TRPM2: variants seen among roughly 807,000 people sequenced by gnomAD.
TRPM2 encodes transient receptor potential cation channel subfamily M member 2.
A neutral mutation model predicts 174.0 loss-of-function variants in TRPM2; 161 were observed. That is an observed-to-expected ratio of 0.93 (90% CI 0.81 to 1.05). The LOEUF (loss-of-function observed/expected upper bound fraction) is 1.05. Among genes scored for constraint, TRPM2 ranks in the 50% least tolerant of loss-of-function variants. The pLI, the probability that TRPM2 is intolerant of heterozygous loss-of-function variation, is 0.00. For missense variants in TRPM2, 2,057 were observed against 2,038.0 expected (o/e 1.01, Z -0.18); for synonymous variants, 954 against 861.3 (o/e 1.11, Z -1.88).
chr21:44,373,586 AC>A (rs2048606063), intron 5 of TRPM2, among the ~76,000 whole-genome samples: 1 of 106,270 alleles, frequency 9.4e-6, no homozygotes, highest in Non-Finnish European at 2.3e-5. Context: ...ATTATATGCG[AC>A]CTGCATTATA....
chr21:44,386,212 C>T (rs537762600), intron 9 of TRPM2, among the ~76,000 whole-genome samples: 21 of 152,134 alleles, frequency 1.4e-4, no homozygotes, highest in African/African-American at 4.1e-4. Context: ...GGTGAAACCC[C>T]GTCTCTACTA....
chr21:44,353,631 T>C lies in TRPM2; in HGVS notation c.-70T>C, dbSNP rs1434757634. On this transcript the variant is annotated 5_prime_UTR_variant, in exon 1 of 32. Transcript: ENST00000397928. Reference sequence around the variant, plus strand: ...ACCCCATGTGTCTCTAGAACCCCAGTGTAGCGAGCTGGAGAGAGGACTGTC... The same window carrying C: ...ACCCCATGTGTCTCTAGAACCCCAGCGTAGCGAGCTGGAGAGAGGACTGTC... 4.0e-5 allele frequency: 55 copies of C among 1,389,522 alleles called. No individual in the cohort carries two copies. The highest frequency in any genetic ancestry group is 4.7e-5 in the Non-Finnish European group (50 of 1,071,838). The allele number at this position is 1,389,522 out of a possible 1,614,324, so 86.1% of individuals were successfully genotyped here. A position where few individuals can be genotyped will look rare whatever the true frequency, so the allele number is the denominator to read the frequency against.
chr21:44,393,456 G>C (rs2049244148), intron 11 of TRPM2, among the ~76,000 whole-genome samples: 1 of 152,164 alleles, frequency 6.6e-6, no homozygotes, highest in Non-Finnish European at 1.5e-5. Context: ...TTTTCAGGAT[G>C]TTTGCATCAG....
At chr21:44,424,822 G>A (rs372531907) in intron 23 of TRPM2, 30 bp from the exon 24 acceptor site, 2 of 1,509,824 alleles carry the variant, frequency 1.3e-6, no homozygotes, top group South Asian at 1.2e-5. Flanking sequence ...GGTGGCAGGT[G>A]CTCACTGTGT....
In TRPM2 at chr21:44,373,552, C is replaced by T. The variant is rs184134478; in HGVS notation, c.772-2281C>T. 1.4e-3 allele frequency among the ~76,000 whole-genome samples: 140 copies of T among 100,560 alleles called. 1 individual carries two copies. The highest frequency in any genetic ancestry group is 4.4e-3 in the African/African-American group (134 of 30,218). The allele number at this position is 100,560 out of a possible 152,430, so 66.0% of individuals were successfully genotyped here. A position where few individuals can be genotyped will look rare whatever the true frequency, so the allele number is the denominator to read the frequency against. On this transcript the variant is annotated intron_variant, in intron 5 of 31. Transcript: ENST00000397928. ...CTCTTTTCATTTTCTGCATTATATG[C>T]GACCTGCATTATATGCGACCTGCAT... is the stretch of plus-strand genomic sequence containing the variant.
intron 27 of TRPM2, among the ~76,000 whole-genome samples, chr21:44,427,655 G>A (rs2050855017): frequency 6.6e-6 from 1 of 152,182 alleles, no homozygotes. Context: ...GTGGAGGAGG[G>A]GCCACCAGAA....
At chr21:44,355,711 A>G (rs565268478) in intron 2 of TRPM2, among the ~76,000 whole-genome samples, 178 of 152,192 alleles carry the variant, frequency 1.2e-3, no homozygotes, top group Non-Finnish European at 1.7e-3. Context: ...TTTACTGAAT[A>G]TGGGGAGGGA....
chr21:44,409,858 A>T (rs59394196), intron 19 of TRPM2, among the ~76,000 whole-genome samples: 2 of 122,792 alleles, frequency 1.6e-5, no homozygotes, highest in South Asian at 2.7e-4. Context: ...AGTTTTGACC[A>T]CACTGTCTTG....
At chr21:44,425,468 G>T in intron 24 of TRPM2, 1 of 516,392 alleles carries the variant, frequency 1.9e-6, no homozygotes, top group South Asian at 4.3e-5. Context: ...CGGCGGGGAC[G>T]CTGCCTGAGC....
At chr21:44,363,071 C>T (rs560196500) in intron 2 of TRPM2, among the ~76,000 whole-genome samples, 23 of 151,228 alleles carry the variant, frequency 1.5e-4, no homozygotes, top group African/African-American at 3.6e-4. Flanking sequence ...TGCGCCTCGC[C>T]GCTTTTAAAA....
chr21:44,382,564 AT>A (rs2048913136), intron 8 of TRPM2, among the ~76,000 whole-genome samples, 153 bp from the exon 9 acceptor site: 1 of 152,192 alleles, frequency 6.6e-6, no homozygotes, highest in African/African-American at 2.4e-5. Flanking sequence ...CATCTGCACC[AT>A]CTAGGGCAAG....
In TRPM2 at chr21:44,418,009, C is replaced by A; in HGVS notation, c.3229C>A (p.Arg1077Ser). 6.2e-7 allele frequency: 1 copy of A among 1,612,806 alleles called. No homozygotes were observed. Among genetic ancestry groups the A allele is most frequent in the Non-Finnish European group, 8.5e-7 (1 of 1,179,982 alleles). The change falls in exon 21 of 32, where the codon CGC (arginine) becomes AGC (serine). Residue 1077 changes from arginine to serine, a missense_variant. Coordinates refer to ENST00000397928, the MANE Select transcript of TRPM2 (RefSeq NM_003307.4). The stretch of plus-strand genomic sequence containing the variant: ...TGACCTGATCGAGGAGTACCACGGC[C>A]GCCCCGCCGCGCCGCCCCCCTTCAT... ...RHDLIEEYHG[R>S]PAAPPPFILL...
chr21:44,412,046 C>G (rs563042591), intron 19 of TRPM2, among the ~76,000 whole-genome samples: 30 of 152,216 alleles, frequency 2.0e-4, no homozygotes, highest in African/African-American at 6.7e-4. Context: ...GGTTATTGGT[C>G]TGTGGTTTTC....
chr21:44,439,268 C>G lies in TRPM2; in HGVS notation c.4269+100C>G. 9.3e-7 allele frequency: 1 copy of G among 1,075,206 alleles called. No homozygotes were observed. Among genetic ancestry groups the G allele is most frequent in the Non-Finnish European group, 1.4e-6 (1 of 723,106 alleles). The allele number at this position is 1,075,206 out of a possible 1,614,324, so 66.6% of individuals were successfully genotyped here. On this transcript the variant is annotated intron_variant, in intron 30 of 31. Transcript: ENST00000397928. This position sits in a 1 kb window ranked among gnomAD's most constrained non-coding sequence, Gnocchi z 5.1. The stretch of plus-strand genomic sequence containing the variant: ...GACCTGCCCCAGCACCACTGGGTGG[C>G]AGCGGTCCCACCCAGCTTCACCAGG...
At chr21:44,424,071 C>T (rs901290287) in intron 23 of TRPM2, among the ~76,000 whole-genome samples, 6 of 152,156 alleles carry the variant, frequency 3.9e-5, no homozygotes, top group African/African-American at 7.2e-5. Flanking sequence ...GCCGCAAGAC[C>T]GAGGTGGGGA....
At position 44,403,179 on chromosome 21, in the gene TRPM2, G is replaced by A. The variant is rs45494296; in HGVS notation, c.2538+1282G>A. Among the ~76,000 whole-genome samples the A allele has an allele frequency of 4.5e-3, 686 of 152,298 alleles. 5 individuals carry two copies. Among genetic ancestry groups the A allele is most frequent in the African/African-American group, 0.016 (647 of 41,572 alleles). ...CCCAGCCCCATGGGCAGCAGCCTGA[G>A]AGCAGAGGGGGCACTTCCTTCTCCC... On this transcript the variant is annotated intron_variant, in intron 16 of 31. Coordinates refer to ENST00000397928, the MANE Select transcript of TRPM2 (RefSeq NM_003307.4).
upstream of TRPM2, among the ~76,000 whole-genome samples, chr21:44,352,795 G>A (rs1386217341): frequency 2.0e-5 from 3 of 152,242 alleles, no homozygotes; most frequent in Non-Finnish European, 4.4e-5. Context: ...GAAAGGATAT[G>A]AGAGAAAAAG....
At chr21:44,403,485 T>C (rs1205149454) in intron 16 of TRPM2, among the ~76,000 whole-genome samples, 3 of 151,732 alleles carry the variant, frequency 2.0e-5, no homozygotes, top group East Asian at 1.9e-4. Flanking sequence ...CACACATGCA[T>C]ACACATACAG....
At chr21:44,422,648 C>G (rs974096361) in intron 22 of TRPM2, among the ~76,000 whole-genome samples, 2 of 152,144 alleles carry the variant, frequency 1.3e-5, no homozygotes, top group African/African-American at 4.8e-5. Flanking sequence ...CAGGGGACAG[C>G]GGATGAGAGC....
Sources: allele counts gnomAD v4.1 joint callset (sites outside exome capture counted in the v4.1 genomes callset), GRCh38; gene constraint gnomAD v4.1.1; non-coding constraint Gnocchi (gnomAD v3.1); transcripts MANE v1.5; gene names NCBI Gene and HGNC (gene_info 2026-07-23, HGNC 2026-07-21).